The following XYLT1 variants were observed in gnomAD, a reference collection of about 807,000 sequenced individuals.
XYLT1 encodes xylosyltransferase 1.
XYLT1 carries 36 observed loss-of-function variants against 91.3 expected under a neutral mutation model. The observed-to-expected ratio is 0.39, with a 90% confidence interval of 0.30 to 0.52. The LOEUF (loss-of-function observed/expected upper bound fraction) is 0.52. Among genes scored for constraint, XYLT1 ranks in the 20% least tolerant of loss-of-function variants. The probability of loss-of-function intolerance (pLI) is 0.68; values close to 1 mark genes in which losing one functional copy is unlikely to be tolerated. For missense variants in XYLT1, 1,242 were observed against 1,284.5 expected (o/e 0.97, Z 0.51); for synonymous variants, 588 against 532.0 (o/e 1.11, Z -1.45).
In XYLT1 at chr16:17,132,418, T is replaced by C. The variant is rs117354239; in HGVS notation, c.2027+2055A>G. The stretch of plus-strand genomic sequence containing the variant: ...AGTGGGAGGCAGTGAGCAAAGAAAA[T>C]ACAGGGAGAGAACAAGGAATTGTTA... On this transcript the variant is annotated intron_variant, in intron 9 of 11. Coordinates refer to ENST00000261381, the MANE Select transcript of XYLT1 (RefSeq NM_022166.4). Among the ~76,000 whole-genome samples, 480 of 152,018 alleles carry C rather than the reference T, an allele frequency of 3.2e-3. 4 individuals are homozygous for C. Among genetic ancestry groups the C allele is most frequent in the Non-Finnish European group, 4.5e-3 (309 of 67,996 alleles).
rs145453337 is a variant in XYLT1 at position 17,394,077 on chromosome 16, T to C, written c.364-36027A>G. ...GGCATGAGCCACCACGCCCGGCCAATTGATTTTTTTTTAAATGTCAAATGA... is the reference window on the plus strand; with the variant it reads ...GGCATGAGCCACCACGCCCGGCCAACTGATTTTTTTTTAAATGTCAAATGA... On this transcript the variant is annotated intron_variant, in intron 1 of 11. Coordinates refer to ENST00000261381, the MANE Select transcript of XYLT1 (RefSeq NM_022166.4). Among the ~76,000 whole-genome samples, 46 of 152,208 alleles carry C rather than the reference T, an allele frequency of 3.0e-4. No homozygotes were observed. In the East Asian group the frequency reaches 5.6e-3, roughly 19 times the overall value.
At chr16:17,244,067 G>A (rs2033394474) in intron 3 of XYLT1, among the ~76,000 whole-genome samples, 1 of 152,138 alleles carries the variant, frequency 6.6e-6, no homozygotes, top group Non-Finnish European at 1.5e-5. Context: ...AATGTCTCTA[G>A]GCATGTCCAG....
chr16:17,314,187 C>G lies in XYLT1; in HGVS notation c.402+43825G>C, dbSNP rs1027421503. ...CTCCAAAATCTCAAGATCAGGAGAT[C>G]CTAGAGAAAGATTAGAAGCAACAGG... On this transcript the variant is annotated intron_variant, in intron 2 of 11. Transcript: ENST00000261381. 4.6e-5 allele frequency among the ~76,000 whole-genome samples: 7 copies of G among 152,180 alleles called. No homozygotes were observed. In the South Asian group the frequency reaches 1.0e-3, roughly 22 times the overall value.
Position 17,206,504 on chromosome 16 carries a change from C to T in XYLT1, c.914-5850G>A, listed in dbSNP as rs936146999. On this transcript the variant is annotated intron_variant, in intron 3 of 11. Transcript: ENST00000261381. ...ACCAGCCACGGGGGCCTGGGCAAGT[C>T]AATTTCTTTCCTTGGTCCTGTAGAA... Among the ~76,000 whole-genome samples the T allele has an allele frequency of 2.0e-5, 3 of 152,038 alleles. No individual in the cohort carries two copies. The East Asian group carries it at 5.8e-4, about 29-fold the overall frequency.
chr16:17,296,023 G>A lies in XYLT1; in HGVS notation c.403-36525C>T, dbSNP rs992209848. Among the ~76,000 whole-genome samples, 8 of 148,790 alleles carry A rather than the reference G, an allele frequency of 5.4e-5. No homozygotes were observed. In the Admixed American group the frequency reaches 5.4e-4, roughly 10 times the overall value. On this transcript the variant is annotated intron_variant, in intron 2 of 11. Transcript: ENST00000261381. ...CCATTTCTCGCATTCATAGAGTAAG[G>A]AAGAAAGAAAAGACACCTTTTTTTT...
intron 2 of XYLT1, among the ~76,000 whole-genome samples, chr16:17,348,451 T>C (rs2035176270): frequency 6.6e-6 from 1 of 152,114 alleles, no homozygotes. Context: ...GAGGGAGGCC[T>C]AAGTGTGGGC....
At chr16:17,345,072 G>T (rs529081939) in intron 2 of XYLT1, among the ~76,000 whole-genome samples, 1 of 152,318 alleles carries the variant, frequency 6.6e-6, no homozygotes, top group Admixed American at 6.5e-5. Context: ...AGCTTCCTCA[G>T]CCTGTGGGTG....
chr16:17,318,188 T>G (rs1012419935), intron 2 of XYLT1, among the ~76,000 whole-genome samples: 17 of 152,232 alleles, frequency 1.1e-4, no homozygotes, highest in Admixed American at 3.9e-4. Context: ...TAGCGGATGC[T>G]GAATAAATAC....
rs1966748164 is a variant in XYLT1 at position 17,104,447 on chromosome 16, G to C, written c.*4248C>G. 6.6e-6 allele frequency: 1 copy of C among 152,206 alleles called. No homozygotes were observed. The highest frequency in any genetic ancestry group is 1.5e-5 in the Non-Finnish European group (1 of 68,038). The allele number at this position is 152,206 out of a possible 1,614,324, so 9.4% of individuals were successfully genotyped here. ...CCTCTGTGGAATGGTCTCTTGAGGA[G>C]TGGAATGACTTAGCAAGAGGTCCCC... On this transcript the variant is annotated 3_prime_UTR_variant, in exon 12 of 12. Transcript: ENST00000261381.
chr16:17,344,503 A>C (rs2035116758), intron 2 of XYLT1, among the ~76,000 whole-genome samples: 1 of 151,254 alleles, frequency 6.6e-6, no homozygotes, highest in Admixed American at 6.6e-5. Flanking sequence ...AAAAAAAAAA[A>C]AAAAAGAATA....
chr16:17,328,225 C>T (rs2034841857), intron 2 of XYLT1, among the ~76,000 whole-genome samples: 1 of 151,906 alleles, frequency 6.6e-6, no homozygotes, highest in South Asian at 2.1e-4. Context: ...GAAGCAGGGC[C>T]AGCTGATTGT....
chr16:17,309,616 C>T (rs1178143255), intron 2 of XYLT1, among the ~76,000 whole-genome samples: 1 of 152,112 alleles, frequency 6.6e-6, no homozygotes, highest in African/African-American at 2.4e-5. Context: ...GGGAAATTTT[C>T]CAAGAACCTA....
chr16:17,309,493 A>C (rs1481654187), intron 2 of XYLT1, among the ~76,000 whole-genome samples: 1 of 152,174 alleles, frequency 6.6e-6, no homozygotes, highest in Non-Finnish European at 1.5e-5. Flanking sequence ...GGGCTGCTTC[A>C]GCCATAATGA....
intron 3 of XYLT1, among the ~76,000 whole-genome samples, chr16:17,212,279 C>A (rs2032773113): frequency 6.6e-6 from 1 of 152,170 alleles, no homozygotes; most frequent in Non-Finnish European, 1.5e-5. Context: ...CCTGGCTGCA[C>A]ATTTAAAATC....
chr16:17,402,968 T>G (rs2035988309), intron 1 of XYLT1, among the ~76,000 whole-genome samples: 1 of 152,078 alleles, frequency 6.6e-6, no homozygotes, highest in Non-Finnish European at 1.5e-5. Flanking sequence ...ATACCCTATT[T>G]TCTGATGAAT....
chr16:17,244,627 G>A (rs1403370154), intron 3 of XYLT1, among the ~76,000 whole-genome samples: 1 of 152,168 alleles, frequency 6.6e-6, no homozygotes, highest in East Asian at 1.9e-4. Flanking sequence ...AATTAAGCTC[G>A]AATGTCCTGG....
At chr16:17,177,159 T>C (rs561042503) in intron 5 of XYLT1, among the ~76,000 whole-genome samples, 1 of 152,236 alleles carries the variant, frequency 6.6e-6, no homozygotes, top group South Asian at 2.1e-4. Context: ...ACCGCCCCCT[T>C]TTTTTCACCC....
intron 2 of XYLT1, among the ~76,000 whole-genome samples, chr16:17,295,506 C>A (rs1451945785): frequency 1.3e-5 from 2 of 152,222 alleles, no homozygotes; most frequent in East Asian, 3.9e-4. Flanking sequence ...CAGGTGTGTG[C>A]TGCCATGCCC....
chr16:17,450,570 A>C (rs1259996732), intron 1 of XYLT1, among the ~76,000 whole-genome samples: 1 of 152,218 alleles, frequency 6.6e-6, no homozygotes, highest in African/African-American at 2.4e-5. Flanking sequence ...CTAAAAGTTC[A>C]GAGCACAAGG....
Sources: gnomAD v4.1 joint callset for allele counts (sites outside exome capture counted in the v4.1 genomes callset) on GRCh38, gnomAD v4.1.1 for gene constraint, MANE v1.5 for transcripts, NCBI Gene and HGNC (gene_info 2026-07-23, HGNC 2026-07-21) for gene names.